BBS9: variants seen among roughly 807,000 people sequenced by gnomAD.
The protein encoded by BBS9 is Bardet-Biedl syndrome 9.
In BBS9, 89 loss-of-function variants were observed where a neutral mutation model predicts 117.7. The observed-to-expected ratio is 0.76, with a 90% CI of 0.64 to 0.90. BBS9 has a LOEUF of 0.90. BBS9 is among the 40% of genes least tolerant of loss of function. The pLI is 0.00. For missense variants in BBS9, 982 were observed against 1,042.2 expected (o/e 0.94, Z 0.80); for synonymous variants, 379 against 370.9 (o/e 1.02, Z -0.25).
intron 21 of BBS9, among the ~76,000 whole-genome samples, chr7:33,566,437 AAGAC>A (rs1278496190): frequency 6.6e-5 from 10 of 151,996 alleles, no homozygotes; most frequent in Non-Finnish European, 1.0e-4. Context: ...TATTTCCTGA[AAGAC>A]AGAGAATTTT....
At chr7:33,514,968 T>G (rs73688891) in intron 20 of BBS9, among the ~76,000 whole-genome samples, 162 of 152,304 alleles carry the variant, frequency 1.1e-3, no homozygotes, top group African/African-American at 3.9e-3. Flanking sequence ...TCTTAAGGCT[T>G]TGTAAGGACT....
chr7:33,560,531 T>C (rs1297960688), intron 21 of BBS9, among the ~76,000 whole-genome samples: 1 of 152,192 alleles, frequency 6.6e-6, no homozygotes, highest in Non-Finnish European at 1.5e-5. Flanking sequence ...CTTTGAGAAT[T>C]GCTTTTATCC....
chr7:33,459,331 G>A lies in BBS9; in HGVS notation c.2116-46132G>A, dbSNP rs537984926. Among the ~76,000 whole-genome samples the A allele has an allele frequency of 5.3e-5, 8 of 152,044 alleles. No individual in the cohort carries two copies. The East Asian group carries it at 1.6e-3, about 30-fold the overall frequency. On this transcript the variant is annotated intron_variant, in intron 19 of 22. Coordinates refer to ENST00000242067, the MANE Select transcript of BBS9 (RefSeq NM_198428.3). ...GACTCCGGGACATTTGGCAAAGTCT[G>A]GGGGCATTTTTGATTGTAACAGCTG... is the stretch of plus-strand genomic sequence containing the variant.
chr7:33,534,126 G>T lies in BBS9; in HGVS notation c.2471G>T (p.Arg824Leu). Residue 824 changes from arginine (R) to leucine (L), a missense_variant, in exon 21 of 23, where the codon CGT (arginine) becomes CTT (leucine). Coordinates refer to ENST00000242067, the MANE Select transcript of BBS9 (RefSeq NM_198428.3). ...TGCGATAGATTATCCAAAGGTGGCC[G>T]TCTCTGCCTAAGTACCGATGCAGCA... ...LLCDRLSKGG[R>L]LCLSTDAAAP... 6.2e-7 allele frequency: 1 copy of T among 1,614,146 alleles called. No homozygotes were observed. Among genetic ancestry groups the T allele is most frequent in the Non-Finnish European group, 8.5e-7 (1 of 1,180,044 alleles).
intron 19 of BBS9, among the ~76,000 whole-genome samples, chr7:33,433,364 A>T (rs1426708816): frequency 6.6e-6 from 1 of 152,166 alleles, no homozygotes; most frequent in African/African-American, 2.4e-5. Context: ...GGCAATGAGA[A>T]AGCAACAATT....
chr7:33,311,441 C>CTTTAA (rs1470706265), intron 9 of BBS9, among the ~76,000 whole-genome samples: 1 of 152,164 alleles, frequency 6.6e-6, no homozygotes, highest in African/African-American at 2.4e-5. Context: ...ACTGAGTGCT[C>CTTTAA]ACAGCATTTG....
At chr7:33,417,243 A>G (rs1832158855) in intron 19 of BBS9, among the ~76,000 whole-genome samples, 1 of 152,168 alleles carries the variant, frequency 6.6e-6, no homozygotes, top group African/African-American at 2.4e-5. Context: ...TTAGTACATC[A>G]TGGGCTAAGG....
chr7:33,479,062 C>G (rs1270932129), intron 19 of BBS9, among the ~76,000 whole-genome samples: 1 of 152,106 alleles, frequency 6.6e-6, no homozygotes, highest in Non-Finnish European at 1.5e-5. Context: ...GCAGTTCTGT[C>G]TTTTCAAGGC....
intron 5 of BBS9, among the ~76,000 whole-genome samples, chr7:33,198,045 A>G (rs1480411367): frequency 6.6e-6 from 1 of 152,014 alleles, no homozygotes; most frequent in Non-Finnish European, 1.5e-5. Flanking sequence ...AAGTTCACCT[A>G]TATTATATTA....
At chr7:33,511,923 G>A (rs960984847) in intron 20 of BBS9, among the ~76,000 whole-genome samples, 4 of 152,180 alleles carry the variant, frequency 2.6e-5, no homozygotes, top group African/African-American at 7.2e-5. Context: ...AATCATTGCC[G>A]TTATTAATGA....
At chr7:33,170,018 G>C (rs1796296763) in intron 4 of BBS9, among the ~76,000 whole-genome samples, 1 of 152,060 alleles carries the variant, frequency 6.6e-6, no homozygotes, top group African/African-American at 2.4e-5. Flanking sequence ...AATTCTACCA[G>C]AGGTACAAGG....
chr7:33,352,387 G>A (rs1818831101), intron 14 of BBS9, among the ~76,000 whole-genome samples: 1 of 152,062 alleles, frequency 6.6e-6, no homozygotes, highest in Admixed American at 6.6e-5. Context: ...TCTGCAGAAT[G>A]CCAAGAGAAG....
chr7:33,240,536 T>C (rs1663003834), intron 5 of BBS9, among the ~76,000 whole-genome samples: 1 of 152,188 alleles, frequency 6.6e-6, no homozygotes, highest in Non-Finnish European at 1.5e-5. Context: ...TACAGGCGTG[T>C]GCCACTGGGC....
intron 19 of BBS9, among the ~76,000 whole-genome samples, chr7:33,428,668 C>CA (rs1833981222): frequency 6.6e-6 from 1 of 152,140 alleles, no homozygotes; most frequent in African/African-American, 2.4e-5. Flanking sequence ...TGTCAACTGA[C>CA]AAAGGATAAG....
chr7:33,328,841 C>T (rs751249815), intron 9 of BBS9, among the ~76,000 whole-genome samples: 116 of 151,984 alleles, frequency 7.6e-4, no homozygotes, highest in Non-Finnish European at 1.0e-3. Context: ...TCATGTTACA[C>T]ATTTTATAGA....
intron 17 of BBS9, among the ~76,000 whole-genome samples, chr7:33,373,369 G>A (rs1170842511): frequency 6.6e-6 from 1 of 152,144 alleles, no homozygotes; most frequent in Non-Finnish European, 1.5e-5. Context: ...GTCTTGCTAA[G>A]TTGATAATCT....
At chr7:33,370,359 A>G (rs1822624466) in intron 17 of BBS9, among the ~76,000 whole-genome samples, 2 of 151,990 alleles carry the variant, frequency 1.3e-5, no homozygotes, top group Non-Finnish European at 2.9e-5. Flanking sequence ...AGTCCCAGCT[A>G]TTCTGGAAGC....
Position 33,390,613 on chromosome 7 carries a change from T to C in BBS9, c.2115+2469T>C, listed in dbSNP as rs1017736281. 5.2e-6 allele frequency: 5 copies of C among 968,874 alleles called. No homozygotes were observed. In the African/African-American group the frequency reaches 8.8e-5, roughly 17 times the overall value. The allele number at this position is 968,874 out of a possible 1,614,324, so 60.0% of individuals were successfully genotyped here. ...TGAGGGTGAGGTGTTGATTGTTCAA[T>C]AAGTTTCATGAGCATAATAAAGTCT... On this transcript the variant is annotated intron_variant, in intron 19 of 22. Transcript: ENST00000242067.
At chr7:33,164,066 T>C (rs1004879354) in intron 4 of BBS9, among the ~76,000 whole-genome samples, 1 of 152,206 alleles carries the variant, frequency 6.6e-6, no homozygotes, top group Non-Finnish European at 1.5e-5. Context: ...ACATCTTTAT[T>C]TCTGCCTTCA....
Sources: gnomAD v4.1 joint callset for allele counts (sites outside exome capture counted in the v4.1 genomes callset) on GRCh38, gnomAD v4.1.1 for gene constraint, MANE v1.5 for transcripts, NCBI Gene and HGNC (gene_info 2026-07-23, HGNC 2026-07-21) for gene names.